The following PER3 variants were observed in gnomAD, a reference collection of about 807,000 sequenced individuals.
The protein encoded by PER3 is period circadian regulator 3.
PER3 carries 107 observed loss-of-function variants against 127.2 expected under a neutral mutation model. That is an observed-to-expected ratio of 0.84 (90% CI 0.72 to 0.99). The LOEUF (loss-of-function observed/expected upper bound fraction) is 0.99, where lower values mean the gene tolerates loss of function less well. PER3 is among the 50% of genes least tolerant of loss of function. The pLI is 0.00. For missense variants in PER3, 1,560 were observed against 1,525.8 expected (o/e 1.02, Z -0.37); for synonymous variants, 618 against 585.8 (o/e 1.05, Z -0.79).
At chr1:7,789,485 C>T (rs994911346) in intron 5 of PER3, among the ~76,000 whole-genome samples, 6 of 152,194 alleles carry the variant, frequency 3.9e-5, no homozygotes, top group African/African-American at 1.2e-4. Flanking sequence ...CCCCTCCTTG[C>T]CTTCTGCCGT....
rs752831945 is a variant in PER3 at position 7,785,460 on chromosome 1, AGAGTTTCT to A, written c.151_158del (p.Val51ArgfsTer20). 1.2e-6 allele frequency: 2 copies of A among 1,612,818 alleles called. No homozygotes were observed. Among genetic ancestry groups the A allele is most frequent in the Non-Finnish European group, 1.7e-6 (2 of 1,178,820 alleles). ...TTCCAGTGAACAGCAAGATCGAAAC[AGAGTTTCT>A]GAAGAACTTATCATGGTTGTCCAAG... On this transcript the variant is annotated frameshift_variant, in exon 3 of 22. Transcript: ENST00000377532. LOFTEE classifies it high-confidence loss of function.
At position 7,801,157 on chromosome 1, in the gene PER3, AC is replaced by A. The variant is rs755955141; in HGVS notation, c.842del (p.Pro281GlnfsTer8). 1.9e-6 allele frequency: 3 copies of A among 1,606,528 alleles called. No homozygotes were observed. Among genetic ancestry groups the A allele is most frequent in the Non-Finnish European group, 2.6e-6 (3 of 1,175,908 alleles). ...TAAAAGAATCTTCACCACCACACAC[AC>A]CCCAGGGTGTGTTTTTCTTGAAGTA... ...VNKRIFTTTH[T>X]PGCVFLEVDE... On this transcript the variant is annotated frameshift_variant, in exon 8 of 22. Coordinates refer to ENST00000377532, the MANE Select transcript of PER3 (RefSeq NM_001377275.1). LOFTEE classifies it high-confidence loss of function.
At chr1:7,822,917 A>G (rs2097284051) in intron 16 of PER3, among the ~76,000 whole-genome samples, 2 of 152,032 alleles carry the variant, frequency 1.3e-5, no homozygotes, top group Non-Finnish European at 2.9e-5. Context: ...AAATTAGCCA[A>G]GTGTGGTGAC....
chr1:7,820,397 AC>A, intron 15 of PER3, 69 bp from the exon 16 acceptor site: 1 of 1,488,288 alleles, frequency 6.7e-7, no homozygotes, highest in Non-Finnish European at 9.1e-7. Flanking sequence ...ACTTCTGTAA[AC>A]TGGGTCTTTT....
intron 13 of PER3, among the ~76,000 whole-genome samples, chr1:7,813,743 A>G (rs923755084): frequency 1.3e-5 from 2 of 152,220 alleles, no homozygotes; most frequent in African/African-American, 4.8e-5. Flanking sequence ...AAGGAAAGGC[A>G]TGCCCAGTCT....
intron 19 of PER3, among the ~76,000 whole-genome samples, chr1:7,833,617 C>T (rs1022844017): frequency 2.6e-5 from 4 of 152,060 alleles, no homozygotes; most frequent in African/African-American, 9.7e-5. Flanking sequence ...TTCAACTTAT[C>T]TGTGTCTTTA....
chr1:7,797,687 G>C (rs2097152141), intron 6 of PER3, among the ~76,000 whole-genome samples: 2 of 151,636 alleles, frequency 1.3e-5, no homozygotes. Context: ...GAACAGACTA[G>C]AGAATCTCTG....
intron 13 of PER3, among the ~76,000 whole-genome samples, chr1:7,816,662 TA>T (rs971472247): frequency 1.1e-4 from 17 of 152,160 alleles, no homozygotes; most frequent in African/African-American, 3.9e-4. Flanking sequence ...TAAGTTTTTT[TA>T]AAAAACTGAC....
At chr1:7,789,912 C>T (rs938947177) in intron 5 of PER3, among the ~76,000 whole-genome samples, 1 of 152,196 alleles carries the variant, frequency 6.6e-6, no homozygotes, top group South Asian at 2.1e-4. Flanking sequence ...TTCTCATCCC[C>T]TTTCCTAAAT....
intron 2 of PER3, 128 bp downstream of exon 2, chr1:7,785,133 G>T: frequency 1.0e-6 from 1 of 974,850 alleles, no homozygotes; most frequent in Non-Finnish European, 1.5e-6. Context: ...GGGGAGACTC[G>T]GGCAATGTAG....
chr1:7,827,443 C>A lies in PER3; in HGVS notation c.2514C>A (p.Ser838=). 1 of 1,614,212 alleles carries A rather than the reference C, an allele frequency of 6.2e-7. No homozygotes were observed. Among genetic ancestry groups the A allele is most frequent in the Non-Finnish European group, 8.5e-7 (1 of 1,180,022 alleles). ...AAGGCCTGCATGGGCTGCCCTTGTC[C>A]GAGGGCTTGCAGCCTTACCCAGCTT... ...APEGLHGLPL[S]EGLQPYPAFP... Residue 838 remains serine (S), a synonymous_variant, in exon 18 of 22, where the codon TCC becomes TCA. Coordinates refer to ENST00000377532, the MANE Select transcript of PER3 (RefSeq NM_001377275.1).
At chr1:7,803,194 C>T (rs1469509776) in intron 9 of PER3, 41 bp downstream of exon 9, 2 of 1,185,624 alleles carry the variant, frequency 1.7e-6, no homozygotes, top group Admixed American at 1.7e-5. Flanking sequence ...ATTTTTCTCT[C>T]ATTGATTTGT....
rs971543122 is a variant in PER3 at position 7,828,939 on chromosome 1, C to CA, written c.2887-886dup. 1.5e-3 allele frequency among the ~76,000 whole-genome samples: 223 copies of CA among 150,764 alleles called. 1 individual carries two copies. Among genetic ancestry groups the CA allele is most frequent in the African/African-American group, 4.7e-3 (194 of 41,118 alleles). On this transcript the variant is annotated intron_variant, in intron 18 of 21. Coordinates refer to ENST00000377532, the MANE Select transcript of PER3 (RefSeq NM_001377275.1). The stretch of plus-strand genomic sequence containing the variant: ...TGTTCGATATGTGTTTGCTGAGTGA[C>CA]AAAAAAAAACTACTTGTGGGGTGCC...
In PER3 at chr1:7,806,333, C is replaced by T. The variant is rs538637010; in HGVS notation, c.1136+2485C>T. ...AGAGTAGCCTTCCCAGGGATCACTT[C>T]GGGAGGAGTGAAAGTGGAGACTGCA... On this transcript the variant is annotated intron_variant, in intron 10 of 21. Transcript: ENST00000377532. Among the ~76,000 whole-genome samples the T allele has an allele frequency of 9.2e-5, 14 of 152,210 alleles. No homozygotes were observed. In the East Asian group the frequency reaches 1.4e-3, roughly 15 times the overall value.
chr1:7,843,929 A>ATGAT lies in PER3; in HGVS notation c.*1175_*1178dup, dbSNP rs2097401743. ...TCCCTGATTCCTTCTTAAACTTGGA[A>ATGAT]TGATAGATGAAATTCACACCCCTGC... On this transcript the variant is annotated 3_prime_UTR_variant, in exon 22 of 22. Transcript: ENST00000377532. 7.8e-7 allele frequency: 1 copy of ATGAT among 1,283,892 alleles called. No individual in the cohort carries two copies. Among genetic ancestry groups the ATGAT allele is most frequent in the African/African-American group, 1.5e-5 (1 of 64,782 alleles). 79.5% of individuals were successfully genotyped at this position (1,283,892 alleles called of 1,614,324 possible).
At chr1:7,839,183 T>C (rs2097372511) in intron 21 of PER3, among the ~76,000 whole-genome samples, 1 of 152,236 alleles carries the variant, frequency 6.6e-6, no homozygotes, top group Non-Finnish European at 1.5e-5. Context: ...GTGTAATTTA[T>C]ACCAGCTTAA....
At chr1:7,815,027 T>C (rs1332648966) in intron 13 of PER3, among the ~76,000 whole-genome samples, 6 of 152,172 alleles carry the variant, frequency 3.9e-5, no homozygotes, top group Non-Finnish European at 7.3e-5. Context: ...CCGGGAGTGG[T>C]GTTATGTGCC....
In PER3 at chr1:7,827,519, CCTGT is replaced by C; in HGVS notation, c.2596_2599del (p.Cys866LeufsTer29). 1 of 1,614,210 alleles carries C rather than the reference CCTGT, an allele frequency of 6.2e-7. No individual in the cohort carries two copies. The highest frequency in any genetic ancestry group is 1.7e-5 in the Admixed American group (1 of 60,028). ...TATGACCGTTTTCCTGCCTGACCCC[CCTGT>C]CTGTCCTCTGTTGTCGCCATCGTTT... is the stretch of plus-strand genomic sequence containing the variant. On this transcript the variant is annotated frameshift_variant, in exon 18 of 22. Coordinates refer to ENST00000377532, the MANE Select transcript of PER3 (RefSeq NM_001377275.1). LOFTEE classifies it high-confidence loss of function.
At chr1:7,806,812 A>AAAAAAATATATATATATAT (rs61141023) in intron 10 of PER3, among the ~76,000 whole-genome samples, 1 of 60,632 alleles carries the variant, frequency 1.6e-5, no homozygotes, top group East Asian at 1.1e-3. Flanking sequence ...AAAAAAAAAA[A>AAAAAAATATATATATATAT]ATATATATAT....
Sources: allele counts gnomAD v4.1 joint callset (sites outside exome capture counted in the v4.1 genomes callset), GRCh38; gene constraint gnomAD v4.1.1; transcripts MANE v1.5; gene names NCBI Gene and HGNC (gene_info 2026-07-23, HGNC 2026-07-21).